Variants in FGF12 observed in about 807,000 individuals in gnomAD.
FGF12 encodes the protein fibroblast growth factor 12B.
In FGF12, 14 loss-of-function variants were observed where a neutral mutation model predicts 23.6. That is an observed-to-expected ratio of 0.59 (90% CI 0.39 to 0.93). FGF12 has a LOEUF of 0.93. FGF12 is among the 40% of genes least tolerant of loss of function. The pLI is 0.00. For synonymous variants in FGF12, 62 were observed against 77.3 expected, an observed-to-expected ratio of 0.80 and a Z score of 1.04; for missense variants, 175 against 217.8, an observed-to-expected ratio of 0.80 and a Z score of 1.24.
intron 2 of FGF12, among the ~76,000 whole-genome samples, chr3:192,589,932 A>G (rs1713551414): frequency 6.6e-6 from 1 of 151,928 alleles, no homozygotes; most frequent in Non-Finnish European, 1.5e-5. Flanking sequence ...ATTGTTCAGC[A>G]CCTGTGAGAG....
At chr3:192,353,736 G>T (rs867457866) in intron 3 of FGF12, among the ~76,000 whole-genome samples, 6 of 152,184 alleles carry the variant, frequency 3.9e-5, no homozygotes, top group Admixed American at 1.3e-4. Flanking sequence ...CAAGGCTGAA[G>T]AATCTGGAGG....
intron 2 of FGF12, among the ~76,000 whole-genome samples, chr3:192,376,665 A>G (rs1208405169): frequency 6.6e-6 from 1 of 152,174 alleles, no homozygotes; most frequent in Non-Finnish European, 1.5e-5. Flanking sequence ...CCTGACCGCT[A>G]TATAATCATT....
chr3:192,523,467 T>C (rs932627778), intron 2 of FGF12, among the ~76,000 whole-genome samples: 4 of 152,200 alleles, frequency 2.6e-5, no homozygotes. Context: ...ATGTGATTGT[T>C]ATAAACCATG....
At chr3:192,497,664 T>A (rs1724003127) in intron 2 of FGF12, among the ~76,000 whole-genome samples, 1 of 152,204 alleles carries the variant, frequency 6.6e-6, no homozygotes, top group South Asian at 2.1e-4. Flanking sequence ...CCACCTGCTG[T>A]TCCTTCCAGC....
At chr3:192,228,446 T>C (rs948628904) in intron 4 of FGF12, among the ~76,000 whole-genome samples, 1 of 152,120 alleles carries the variant, frequency 6.6e-6, no homozygotes, top group Admixed American at 6.5e-5. Context: ...ATAGGCTAAA[T>C]GTAACTAACT....
intron 3 of FGF12, among the ~76,000 whole-genome samples, chr3:192,342,760 G>T (rs1340117564): frequency 6.6e-6 from 1 of 152,072 alleles, no homozygotes; most frequent in Non-Finnish European, 1.5e-5. Flanking sequence ...CTGGGTAACG[G>T]GGCAGGGCAT....
intron 4 of FGF12, among the ~76,000 whole-genome samples, chr3:192,207,890 C>T (rs930023693): frequency 2.0e-5 from 3 of 152,136 alleles, no homozygotes; most frequent in Non-Finnish European, 4.4e-5. Context: ...GAGGTGCCTG[C>T]AGGACACTCA....
intron 2 of FGF12, among the ~76,000 whole-genome samples, chr3:192,571,898 G>T (rs1712651093): frequency 6.6e-6 from 1 of 151,708 alleles, no homozygotes; most frequent in Non-Finnish European, 1.5e-5. Flanking sequence ...GCCCCTCCTG[G>T]GAACTTTCTG....
At chr3:192,288,618 T>C (rs149526413) in intron 4 of FGF12, among the ~76,000 whole-genome samples, 2 of 152,230 alleles carry the variant, frequency 1.3e-5, no homozygotes, top group Admixed American at 1.3e-4. Flanking sequence ...TCTTGAATCA[T>C]CAACTATAAA....
At chr3:192,466,348 T>C (rs1313133186) in intron 2 of FGF12, among the ~76,000 whole-genome samples, 2 of 152,212 alleles carry the variant, frequency 1.3e-5, no homozygotes, top group African/African-American at 4.8e-5. Flanking sequence ...TCACAGAATG[T>C]ATGCGTGGTC....
At chr3:192,340,671 C>G (rs1420903158) in intron 3 of FGF12, among the ~76,000 whole-genome samples, 1 of 151,980 alleles carries the variant, frequency 6.6e-6, no homozygotes, top group East Asian at 1.9e-4. Flanking sequence ...ATTCATAAAA[C>G]TTCACAGAAA....
chr3:192,649,389 T>C (rs941985312), intron 2 of FGF12, among the ~76,000 whole-genome samples: 3 of 152,190 alleles, frequency 2.0e-5, no homozygotes, highest in Admixed American at 6.6e-5. Context: ...CATTGACTTC[T>C]CCTTAAGCGT....
chr3:192,622,269 A>T (rs1425378841), intron 2 of FGF12, among the ~76,000 whole-genome samples: 1 of 152,216 alleles, frequency 6.6e-6, no homozygotes, highest in African/African-American at 2.4e-5. Flanking sequence ...AGAGTCATCC[A>T]GGAGTGCTCC....
chr3:192,325,331 C>T (rs77225668), intron 4 of FGF12, among the ~76,000 whole-genome samples: 7,624 of 152,110 alleles, frequency 0.05, 561 homozygotes, highest in African/African-American at 0.16. Context: ...AAATCACGAG[C>T]ATATGAGAAG....
chr3:192,427,380 GAAAA>G (rs11359837), intron 2 of FGF12, among the ~76,000 whole-genome samples: 3 of 141,646 alleles, frequency 2.1e-5, no homozygotes, highest in South Asian at 2.2e-4. Context: ...CTCCGTCTCT[GAAAA>G]AAAAAAAAAA....
chr3:192,532,243 G>A (rs973420215), intron 2 of FGF12, among the ~76,000 whole-genome samples: 3 of 151,884 alleles, frequency 2.0e-5, no homozygotes, highest in Non-Finnish European at 4.4e-5. Context: ...GCTCTTTTTT[G>A]GTTCCATATG....
intron 4 of FGF12, among the ~76,000 whole-genome samples, chr3:192,184,693 C>G (rs970508922): frequency 1.3e-5 from 2 of 152,128 alleles, no homozygotes; most frequent in African/African-American, 4.8e-5. Context: ...ATGATTTGAT[C>G]CTAAAGTAAT....
chr3:192,467,818 T>C (rs1218443706), intron 2 of FGF12, among the ~76,000 whole-genome samples: 2 of 152,236 alleles, frequency 1.3e-5, no homozygotes, highest in African/African-American at 2.4e-5. Flanking sequence ...GTCAATGTCC[T>C]ACACTTAACA....
At chr3:192,666,965 A>G (rs1464207478) in intron 2 of FGF12, among the ~76,000 whole-genome samples, 1 of 152,184 alleles carries the variant, frequency 6.6e-6, no homozygotes, top group Non-Finnish European at 1.5e-5. Flanking sequence ...ATAGACATAA[A>G]GAACATCATA....
Sources: allele counts gnomAD v4.1 joint callset (sites outside exome capture counted in the v4.1 genomes callset), GRCh38; gene constraint gnomAD v4.1.1; transcripts MANE v1.5; gene names NCBI Gene and HGNC (gene_info 2026-07-23, HGNC 2026-07-21).